The following RPS6KB1 variants were observed in gnomAD, a reference collection of about 807,000 sequenced individuals.
The protein encoded by RPS6KB1 is ribosomal protein S6 kinase B1.
Under a neutral mutation model 70.2 loss-of-function variants are expected in RPS6KB1, and 12 were observed. That is an observed-to-expected ratio of 0.17 (90% CI 0.11 to 0.28). The LOEUF (loss-of-function observed/expected upper bound fraction) is 0.28. Among genes scored for constraint, RPS6KB1 ranks in the 10% least tolerant of loss-of-function variants. The pLI is 1.00. For missense variants in RPS6KB1, 270 were observed against 646.6 expected, an observed-to-expected ratio of 0.42 and a Z score of 6.32; for synonymous variants, 175 against 211.2, an observed-to-expected ratio of 0.83 and a Z score of 1.49.
chr17:59,938,226 G>A (rs8078979), intron 12 of RPS6KB1, among the ~76,000 whole-genome samples: 18,293 of 141,692 alleles, frequency 0.13, 1,427 homozygotes, highest in Middle Eastern at 0.23. Flanking sequence ...AGGCTGGAGT[G>A]CAGTGGCATG....
At chr17:59,931,543 A>G in intron 6 of RPS6KB1, 79 bp from the exon 7 acceptor site, 3 of 1,117,004 alleles carry the variant, frequency 2.7e-6, no homozygotes, top group Non-Finnish European at 4.1e-6. Flanking sequence ...TGTTTCTTTC[A>G]AGGAATTTTG....
chr17:59,935,240 C>A lies in RPS6KB1; in HGVS notation c.918C>A (p.Leu306=). Residue 306 remains leucine, a synonymous_variant, in exon 10 of 15, where the codon CTC becomes CTA. Transcript: ENST00000225577. ...GAAAGAAAACAATTGACAAAATCCT[C>A]AAATGTAAACTCAATTTGCCTCCCT... The part of the protein sequence containing the change: ...ENRKKTIDKI[L]KCKLNLPPYL... 6.2e-7 allele frequency: 1 copy of A among 1,613,060 alleles called. No homozygotes were observed. Among genetic ancestry groups the A allele is most frequent in the South Asian group, 1.1e-5 (1 of 91,028 alleles).
Position 59,947,970 on chromosome 17 carries a change from G to T in RPS6KB1, c.*1182G>T, listed in dbSNP as rs2045026847. On this transcript the variant is annotated 3_prime_UTR_variant, in exon 15 of 15. Transcript: ENST00000225577. Reference sequence around the variant, plus strand: ...TCAACAGTTTTAAAAAGAAAAAAAGGTCTATTTTTTTTTCTCCTATACTTG... The same window carrying T: ...TCAACAGTTTTAAAAAGAAAAAAAGTTCTATTTTTTTTTCTCCTATACTTG... 1 of 201,470 alleles carries T rather than the reference G, an allele frequency of 5.0e-6. No individual in the cohort carries two copies. Among genetic ancestry groups the T allele is most frequent in the South Asian group, 1.9e-4 (1 of 5,300 alleles). The allele number at this position is 201,470 out of a possible 1,614,324, so 12.5% of individuals were successfully genotyped here.
intron 1 of RPS6KB1, among the ~76,000 whole-genome samples, chr17:59,906,757 T>G (rs2042287493): frequency 6.6e-6 from 1 of 152,084 alleles, no homozygotes; most frequent in African/African-American, 2.4e-5. Flanking sequence ...TGCAATGGTG[T>G]GATCTCGCTC....
intron 1 of RPS6KB1, among the ~76,000 whole-genome samples, chr17:59,904,646 G>A (rs770778358): frequency 6.7e-6 from 1 of 149,942 alleles, no homozygotes. Context: ...CTCCTGCCTC[G>A]GCCTCCCAAA....
chr17:59,922,817 T>C (rs1287312374), intron 4 of RPS6KB1, among the ~76,000 whole-genome samples: 2 of 151,052 alleles, frequency 1.3e-5, no homozygotes, highest in Non-Finnish European at 3.0e-5. Context: ...GTGCCAGGAT[T>C]ACAGACGTGA....
chr17:59,945,382 T>TA lies in RPS6KB1; in HGVS notation c.1228-23dup, dbSNP rs751910531. The TA allele has an allele frequency of 1.1e-5, 14 of 1,264,162 alleles. No homozygotes were observed. The South Asian group carries it at 1.2e-4, about 11-fold the overall frequency. The allele number at this position is 1,264,162 out of a possible 1,614,324, so 78.3% of individuals were successfully genotyped here. ...AGATACATGACAAAATGCCATTCTGTAGTCCACTGTTACTGTCTTTCAGGG... is the reference window on the plus strand; with the variant it reads ...AGATACATGACAAAATGCCATTCTGTAAGTCCACTGTTACTGTCTTTCAGGG... On this transcript the variant is annotated intron_variant, in intron 13 of 14. Coordinates refer to ENST00000225577, the MANE Select transcript of RPS6KB1 (RefSeq NM_003161.4).
At chr17:59,924,839 A>ATTTT (rs869262754) in intron 4 of RPS6KB1, among the ~76,000 whole-genome samples, 1 of 149,392 alleles carries the variant, frequency 6.7e-6, no homozygotes. Context: ...TTATTTATTT[A>ATTTT]TTTTTTTGAG....
At chr17:59,910,097 G>GA (rs2042544535) in intron 1 of RPS6KB1, among the ~76,000 whole-genome samples, 2 of 151,260 alleles carry the variant, frequency 1.3e-5, no homozygotes, top group African/African-American at 4.9e-5. Context: ...TGAGGTAGGA[G>GA]AAACACTGGA....
chr17:59,929,619 TTTA>T (rs916969568), intron 5 of RPS6KB1, among the ~76,000 whole-genome samples: 3 of 152,236 alleles, frequency 2.0e-5, no homozygotes, highest in South Asian at 4.1e-4. Flanking sequence ...GATATAACCT[TTTA>T]TTATCATTAT....
At chr17:59,910,710 C>T (rs2042582433) in intron 2 of RPS6KB1, 99 bp downstream of exon 2, 1 of 752,988 alleles carries the variant, frequency 1.3e-6, no homozygotes, top group East Asian at 2.7e-5. Flanking sequence ...GTAACCTGTT[C>T]TTAAATATGT....
At chr17:59,915,624 C>T (rs1202262918) in intron 4 of RPS6KB1, among the ~76,000 whole-genome samples, 1 of 150,954 alleles carries the variant, frequency 6.6e-6, no homozygotes, top group Non-Finnish European at 1.5e-5. Flanking sequence ...TACCACCACG[C>T]CTGGCTAATT....
chr17:59,936,115 A>C, intron 10 of RPS6KB1, 100 bp from the exon 11 acceptor site: 1 of 1,101,640 alleles, frequency 9.1e-7, no homozygotes, highest in South Asian at 1.4e-5. Flanking sequence ...CCAATAAACT[A>C]TATTTTCTCA....
chr17:59,917,145 G>T (rs983090623), intron 4 of RPS6KB1, among the ~76,000 whole-genome samples: 14 of 152,042 alleles, frequency 9.2e-5, no homozygotes, highest in African/African-American at 3.1e-4. Context: ...TTGAGATAGG[G>T]TCTCGCCCTG....
chr17:59,900,029 A>C (rs781488998), intron 1 of RPS6KB1, among the ~76,000 whole-genome samples: 1 of 152,032 alleles, frequency 6.6e-6, no homozygotes, highest in African/African-American at 2.4e-5. Context: ...AATAGTGGGC[A>C]TAGTAGCACA....
chr17:59,911,527 A>C (rs1434383803), intron 2 of RPS6KB1, among the ~76,000 whole-genome samples: 1 of 123,836 alleles, frequency 8.1e-6, no homozygotes, highest in Non-Finnish European at 1.7e-5. Context: ...CACCTGGCTA[A>C]TTTTTGTTGG....
chr17:59,900,171 A>AACACACACACACACACAC (rs759914423), intron 1 of RPS6KB1, among the ~76,000 whole-genome samples: 91 of 102,490 alleles, frequency 8.9e-4, no homozygotes, highest in East Asian at 1.6e-3. Context: ...CTAATTGCTA[A>AACACACACACACACACAC]ACACACACAC....
intron 1 of RPS6KB1, among the ~76,000 whole-genome samples, chr17:59,908,764 G>T (rs2042422286): frequency 7.2e-6 from 1 of 138,556 alleles, no homozygotes; most frequent in Non-Finnish European, 1.5e-5. Flanking sequence ...GACTACAGGT[G>T]CCCGCTACCA....
At chr17:59,896,166 A>C (rs1003429510) in intron 1 of RPS6KB1, among the ~76,000 whole-genome samples, 6 of 152,096 alleles carry the variant, frequency 3.9e-5, no homozygotes, top group African/African-American at 1.4e-4. Flanking sequence ...GAACTGATAG[A>C]ATTTCCAGAC....
Sources: allele counts gnomAD v4.1 joint callset (sites outside exome capture counted in the v4.1 genomes callset), GRCh38; gene constraint gnomAD v4.1.1; transcripts MANE v1.5; gene names NCBI Gene and HGNC (gene_info 2026-07-23, HGNC 2026-07-21).